L3MBTL1: variants seen among roughly 807,000 people sequenced by gnomAD.
L3MBTL1 encodes L3MBTL histone methyl-lysine binding protein 1.
Under a neutral mutation model 105.3 loss-of-function variants are expected in L3MBTL1, and 75 were observed. That is an observed-to-expected ratio of 0.71 (90% CI 0.59 to 0.86). The LOEUF (loss-of-function observed/expected upper bound fraction) is 0.86. Ranked by LOEUF, L3MBTL1 falls within the 40% of genes least tolerant of loss-of-function variation. The pLI is 0.00. For synonymous variants in L3MBTL1, 452 were observed against 436.2 expected, an observed-to-expected ratio of 1.04 and a Z score of -0.45; for missense variants, 1,069 against 1,126.4, an observed-to-expected ratio of 0.95 and a Z score of 0.73.
Position 43,534,343 on chromosome 20 carries a change from A to G in L3MBTL1, c.1659A>G (p.Pro553=), listed in dbSNP as rs1161292574. The G allele has an allele frequency of 1.2e-6, 2 of 1,614,034 alleles. No individual in the cohort carries two copies. The highest frequency in any genetic ancestry group is 1.3e-5 in the African/African-American group (1 of 74,948). Residue 553 remains proline, a synonymous_variant, in exon 15 of 22, where the codon CCA becomes CCG. Coordinates refer to ENST00000418998, the MANE Select transcript of L3MBTL1 (RefSeq NM_001377303.1). The part of the protein sequence containing the change: ...MKLEAVDRRN[P]ALIRVASVED... ...TGGAGGCTGTGGACCGCAGGAACCC[A>G]GCCCTGATTCGCGTGGCCAGCGTGG...
At position 43,518,757 on chromosome 20, in the gene L3MBTL1, C is replaced by T. The variant is rs527748528; in HGVS notation, c.862+2580C>T. 2.0e-5 allele frequency among the ~76,000 whole-genome samples: 3 copies of T among 147,978 alleles called. No homozygotes were observed. The East Asian group carries it at 6.0e-4, about 29-fold the overall frequency. Reference sequence around the variant, plus strand: ...GGCACGGTGGCTCATGCCTGTAATCCTAGCACTTTGGGAGGCCGAGGCAGG... The same window carrying T: ...GGCACGGTGGCTCATGCCTGTAATCTTAGCACTTTGGGAGGCCGAGGCAGG... On this transcript the variant is annotated intron_variant, in intron 7 of 21. Transcript: ENST00000418998.
chr20:43,516,256 A>T, intron 7 of L3MBTL1, 79 bp downstream of exon 7: 1 of 994,792 alleles, frequency 1.0e-6, no homozygotes, highest in Non-Finnish European at 1.6e-6. Context: ...AATGTGGGTT[A>T]TGATTGTGAT....
chr20:43,514,845 G>C, intron 4 of L3MBTL1, 69 bp downstream of exon 4: 1 of 1,469,734 alleles, frequency 6.8e-7, no homozygotes, highest in Non-Finnish European at 9.1e-7. Context: ...AGCCCCAGAA[G>C]GTTCGGGGGC....
intron 9 of L3MBTL1, among the ~76,000 whole-genome samples, chr20:43,530,000 C>A (rs1008211582): frequency 2.0e-5 from 3 of 152,198 alleles, no homozygotes; most frequent in Admixed American, 1.3e-4. Context: ...AGTCCTGAGC[C>A]TTGGTGGCTG....
Position 43,529,310 on chromosome 20 carries a change from A to G in L3MBTL1, c.998A>G (p.Lys333Arg), listed in dbSNP as rs1397604608. 6.2e-7 allele frequency: 1 copy of G among 1,613,332 alleles called. No individual in the cohort carries two copies. Among genetic ancestry groups the G allele is most frequent in the African/African-American group, 1.3e-5 (1 of 74,930 alleles). Residue 333 changes from lysine to arginine, a missense_variant, in exon 9 of 22, where the codon AAG becomes AGG. Physicochemically the swap from Lys to Arg is conservative, Grantham distance 26. Transcript: ENST00000418998. ...HNKNGFKLGM[K>R]LEGIDPQHPS... is the part of the protein sequence containing the mutation. ...AAGAATGGCTTCAAACTGGGCATGAAGTTGGAAGGCATTGACCCTCAACAC... is the reference window on the plus strand; with the variant it reads ...AAGAATGGCTTCAAACTGGGCATGAGGTTGGAAGGCATTGACCCTCAACAC...
At chr20:43,524,921 A>G (rs1291848602) in intron 7 of L3MBTL1, among the ~76,000 whole-genome samples, 2 of 152,168 alleles carry the variant, frequency 1.3e-5, no homozygotes, top group African/African-American at 2.4e-5. Context: ...ATGAGAAGCC[A>G]TGGAACTTAA....
chr20:43,530,270 C>T lies in L3MBTL1; in HGVS notation c.1057-14C>T, dbSNP rs2019259788. The T allele has an allele frequency of 1.2e-6, 2 of 1,613,314 alleles. No individual in the cohort carries two copies. The highest frequency in any genetic ancestry group is 1.7e-6 in the Non-Finnish European group (2 of 1,179,726). ...TCCTGACATTGGAGTTCCTGATTCC[C>T]CTCATGGGGCCAGGTATGTGGCTAT... is the stretch of plus-strand genomic sequence containing the variant. On this transcript the variant is annotated splice_polypyrimidine_tract_variant and intron_variant, in intron 9 of 21. Coordinates refer to ENST00000418998, the MANE Select transcript of L3MBTL1 (RefSeq NM_001377303.1).
At chr20:43,516,994 A>T (rs2018429592) in intron 7 of L3MBTL1, among the ~76,000 whole-genome samples, 1 of 151,702 alleles carries the variant, frequency 6.6e-6, no homozygotes, top group Non-Finnish European at 1.5e-5. Context: ...TGGGGATCTT[A>T]CTTTGTTGCT....
At chr20:43,545,383 T>C (rs62224517), downstream of L3MBTL1, among the ~76,000 whole-genome samples, 17 of 135,938 alleles carry the variant, frequency 1.3e-4, no homozygotes, top group East Asian at 3.5e-3. Flanking sequence ...AAAAAAAAGG[T>C]GGGGAGCTCC....
intron 6 of L3MBTL1, 38 bp downstream of exon 6, chr20:43,515,453 T>C (rs372892227): frequency 5.8e-6 from 9 of 1,541,260 alleles, no homozygotes; most frequent in Non-Finnish European, 7.9e-6. Flanking sequence ...GGGGAAGCTA[T>C]AGCCTATGCC....
chr20:43,525,593 G>T (rs1200150881), intron 7 of L3MBTL1, among the ~76,000 whole-genome samples: 1 of 152,150 alleles, frequency 6.6e-6, no homozygotes, highest in African/African-American at 2.4e-5. Flanking sequence ...TGGGTTTAGG[G>T]ATATGCCTAA....
chr20:43,510,849 T>C (rs1227983704), intron 1 of L3MBTL1, among the ~76,000 whole-genome samples: 2 of 150,556 alleles, frequency 1.3e-5, no homozygotes, highest in African/African-American at 4.9e-5. Context: ...TCTGGAGTAG[T>C]TGGGACTACA....
chr20:43,545,526 G>A (rs542619263), downstream of L3MBTL1, among the ~76,000 whole-genome samples: 2 of 152,260 alleles, frequency 1.3e-5, no homozygotes, highest in South Asian at 4.1e-4. Flanking sequence ...CCCCCTCACA[G>A]CTCCCAGTGT....
intron 16 of L3MBTL1, 80 bp from the exon 17 acceptor site, chr20:43,535,757 C>G: frequency 1.2e-6 from 1 of 863,362 alleles, no homozygotes; most frequent in Non-Finnish European, 1.8e-6. Context: ...CTGATCTCCC[C>G]AGTGGAAACT....
intron 7 of L3MBTL1, 37 bp downstream of exon 7, chr20:43,516,214 T>C (rs1335731579): frequency 6.7e-7 from 1 of 1,485,890 alleles, no homozygotes; most frequent in Non-Finnish European, 9.4e-7. Flanking sequence ...TCGTGTGAGG[T>C]GTGTATATAC....
At chr20:43,511,239 A>C (rs1459189456) in intron 1 of L3MBTL1, among the ~76,000 whole-genome samples, 1 of 152,190 alleles carries the variant, frequency 6.6e-6, no homozygotes, top group African/African-American at 2.4e-5. Flanking sequence ...TTTTATTAAC[A>C]AGTTCAAGTT....
chr20:43,532,848 G>A lies in L3MBTL1; in HGVS notation c.1360G>A (p.Val454Met), dbSNP rs776198013. ...VDRMNPSLVCVASVTDVVDSR... is the reference protein window; with the variant it reads ...VDRMNPSLVCMASVTDVVDSR... ...CCGCATGAACCCGTCCCTTGTCTGC[G>A]TGGCCAGTGTGACCGATGTGGTGGA... The change falls in exon 12 of 22, where the codon GTG becomes ATG. Residue 454 changes from valine to methionine, a missense_variant. Transcript: ENST00000418998. The A allele has an allele frequency of 1.7e-5, 28 of 1,614,098 alleles. No homozygotes were observed. The highest frequency in any genetic ancestry group is 2.2e-5 in the East Asian group (1 of 44,888).
chr20:43,538,517 T>TA (rs1453045735), intron 19 of L3MBTL1, among the ~76,000 whole-genome samples: 2 of 152,204 alleles, frequency 1.3e-5, no homozygotes, highest in Non-Finnish European at 2.9e-5. Flanking sequence ...CAGAGGCAAC[T>TA]TCTTACATAC....
chr20:43,520,095 C>T (rs978817749), intron 7 of L3MBTL1, among the ~76,000 whole-genome samples: 3 of 152,152 alleles, frequency 2.0e-5, no homozygotes, highest in African/African-American at 7.2e-5. Context: ...CCCTAAAGAC[C>T]ACCAGCAGTC....
Sources: allele counts gnomAD v4.1 joint callset (sites outside exome capture counted in the v4.1 genomes callset), GRCh38; gene constraint gnomAD v4.1.1; transcripts MANE v1.5; gene names NCBI Gene and HGNC (gene_info 2026-07-23, HGNC 2026-07-21).